DNAH8: variants seen among roughly 807,000 people sequenced by gnomAD.
DNAH8 encodes dynein axonemal heavy chain 8.
A neutral mutation model predicts 562.1 loss-of-function variants in DNAH8; 382 were observed. The ratio of observed to expected loss-of-function variants is 0.68; its 90% CI spans 0.63 to 0.74. The LOEUF (loss-of-function observed/expected upper bound fraction) is 0.74, where lower values mean the gene tolerates loss of function less well. DNAH8 is among the 30% of genes least tolerant of loss of function. DNAH8 has a pLI of 0.00. For synonymous variants in DNAH8, 1,881 were observed against 1,919.4 expected, an observed-to-expected ratio of 0.98 and a Z score of 0.52; for missense variants, 5,203 against 5,620.4, an observed-to-expected ratio of 0.93 and a Z score of 2.37.
At chr6:38,873,475 T>C in intron 52 of DNAH8, 99 bp downstream of exon 52, 1 of 1,071,050 alleles carries the variant, frequency 9.3e-7, no homozygotes, top group South Asian at 1.9e-5. Context: ...AGACAGTCCA[T>C]AAAAATCATT....
At chr6:38,818,794 G>C (rs1490033407) in intron 26 of DNAH8, among the ~76,000 whole-genome samples, 1 of 152,184 alleles carries the variant, frequency 6.6e-6, no homozygotes, top group Non-Finnish European at 1.5e-5. Flanking sequence ...ATTCTTGTCT[G>C]GACTTTCTTA....
At chr6:38,862,162 T>A in intron 43 of DNAH8, 118 bp from the exon 44 acceptor site, 1 of 798,588 alleles carries the variant, frequency 1.3e-6, no homozygotes, top group Non-Finnish European at 2.0e-6. Context: ...TTCTTTTATG[T>A]GGGCTACTCA....
chr6:38,957,898 A>G (rs1380678703), intron 82 of DNAH8, among the ~76,000 whole-genome samples: 1 of 151,758 alleles, frequency 6.6e-6, no homozygotes, highest in African/African-American at 2.4e-5. Flanking sequence ...CAAGATCACA[A>G]ATAACCTAAT....
chr6:38,756,280 A>T lies in DNAH8; in HGVS notation c.1515+201A>T, dbSNP rs56234410. 0.025 allele frequency among the ~76,000 whole-genome samples: 3,855 copies of T among 152,168 alleles called. 181 individuals are homozygous for T. Among genetic ancestry groups the T allele is most frequent in the African/African-American group, 0.084 (3,489 of 41,496 alleles). On this transcript the variant is annotated intron_variant, in intron 10 of 92. Transcript: ENST00000327475. ...TAATTGGTACTTTTCTGTTTATCAG[A>T]TGTAAGCCCCAATACTTAAAGAAAA... is the stretch of plus-strand genomic sequence containing the variant.
At chr6:38,945,669 C>T in intron 80 of DNAH8, 81 bp downstream of exon 80, 1 of 1,571,532 alleles carries the variant, frequency 6.4e-7, no homozygotes, top group South Asian at 1.1e-5. Context: ...GGCTTCCTGG[C>T]AGCAATTCCT....
intron 62 of DNAH8, among the ~76,000 whole-genome samples, chr6:38,902,917 G>T (rs1350186704): frequency 6.6e-6 from 1 of 152,192 alleles, no homozygotes; most frequent in Non-Finnish European, 1.5e-5. Context: ...ATATATGATG[G>T]TGGTCACATG....
At chr6:38,820,640 A>G (rs541136332) in intron 26 of DNAH8, among the ~76,000 whole-genome samples, 1 of 152,314 alleles carries the variant, frequency 6.6e-6, no homozygotes, top group Middle Eastern at 3.4e-3. Flanking sequence ...ATGTTAGCAA[A>G]CTGAATCCAG....
At chr6:38,715,965 T>A (rs1170627039) in intron 1 of DNAH8, among the ~76,000 whole-genome samples, 47 of 96,764 alleles carry the variant, frequency 4.9e-4, no homozygotes, top group Admixed American at 8.1e-4. Flanking sequence ...TATATATTTT[T>A]TTTTTTTTTT....
chr6:38,832,664 A>G (rs186042425), intron 31 of DNAH8, among the ~76,000 whole-genome samples: 19 of 152,342 alleles, frequency 1.2e-4, no homozygotes, highest in African/African-American at 4.6e-4. Flanking sequence ...CACACATAAA[A>G]TACGCTAACA....
intron 29 of DNAH8, 92 bp downstream of exon 29, chr6:38,826,483 C>A: frequency 1.2e-6 from 1 of 807,508 alleles, no homozygotes. Context: ...TTAACATATT[C>A]ATCTATTATG....
In DNAH8 at chr6:38,779,955, A is replaced by G. The variant is rs1768417879; in HGVS notation, c.2040-11A>G. 1.2e-6 allele frequency: 2 copies of G among 1,610,168 alleles called. No individual in the cohort carries two copies. The highest frequency in any genetic ancestry group is 1.7e-6 in the Non-Finnish European group (2 of 1,176,780). On this transcript the variant is annotated splice_polypyrimidine_tract_variant and intron_variant, in intron 14 of 92. Transcript: ENST00000327475. ...TTTACTTTTTAACCATTCAGCTTTGATTACTTTTAGGTTTCAGAAGCTGAA... is the reference window on the plus strand; with the variant it reads ...TTTACTTTTTAACCATTCAGCTTTGGTTACTTTTAGGTTTCAGAAGCTGAA...
chr6:38,743,192 A>AT (rs1395890848), intron 8 of DNAH8, among the ~76,000 whole-genome samples: 1 of 151,268 alleles, frequency 6.6e-6, no homozygotes, highest in African/African-American at 2.4e-5. Flanking sequence ...TAATTAAATA[A>AT]TTTTTTAAAA....
In DNAH8 at chr6:38,951,615, G is replaced by C. The variant is rs1317117008; in HGVS notation, c.12451+95G>C. On this transcript the variant is annotated intron_variant, in intron 82 of 92. Coordinates refer to ENST00000327475, the MANE Select transcript of DNAH8 (RefSeq NM_001206927.2). ...ATTTTATAACTGATTCTTAGAAATA[G>C]ATGTAAAACTGAATTCGAAAAATAT... is the stretch of plus-strand genomic sequence containing the variant. The C allele has an allele frequency of 2.7e-6, 3 of 1,092,890 alleles. No homozygotes were observed. The African/African-American group carries it at 4.8e-5, about 17-fold the overall frequency. The allele number at this position is 1,092,890 out of a possible 1,614,324, so 67.7% of individuals were successfully genotyped here.
intron 8 of DNAH8, among the ~76,000 whole-genome samples, chr6:38,746,331 C>T (rs902476205): frequency 1.3e-5 from 2 of 152,048 alleles, no homozygotes; most frequent in African/African-American, 4.8e-5. Flanking sequence ...CTTCTGATTC[C>T]CTTACTCTGT....
rs774924483 is a variant in DNAH8 at position 38,722,815 on chromosome 6, G to A, written c.6G>A (p.Glu2=). Residue 2 remains glutamate, a synonymous_variant, in exon 2 of 93, where the codon GAG becomes GAA. Transcript: ENST00000327475. Reference sequence around the variant, plus strand: ...AGCATTCCGCACGACGGGGGATGGAGAAGGATGCTGAAGATGGCGCCCCTT... The same window carrying A: ...AGCATTCCGCACGACGGGGGATGGAAAAGGATGCTGAAGATGGCGCCCCTT... The part of the protein sequence containing the change: M[E]KDAEDGAPSE... 2.1e-5 allele frequency: 33 copies of A among 1,584,330 alleles called. 1 individual carries two copies. In the East Asian group the frequency reaches 4.7e-4, roughly 23 times the overall value.
intron 21 of DNAH8, among the ~76,000 whole-genome samples, chr6:38,793,372 A>G (rs1441790874): frequency 6.6e-6 from 1 of 151,124 alleles, no homozygotes; most frequent in Non-Finnish European, 1.5e-5. Context: ...AGATGATTAT[A>G]TCTTCTGGAT....
At chr6:38,898,921 A>G (rs1779886484) in intron 61 of DNAH8, among the ~76,000 whole-genome samples, 1 of 152,156 alleles carries the variant, frequency 6.6e-6, no homozygotes, top group Non-Finnish European at 1.5e-5. Context: ...CACCGTGGCT[A>G]GATCTTGAGG....
At chr6:38,854,073 G>A (rs1009169292) in intron 41 of DNAH8, among the ~76,000 whole-genome samples, 10 of 151,978 alleles carry the variant, frequency 6.6e-5, no homozygotes, top group African/African-American at 2.2e-4. Flanking sequence ...CCAATTCATA[G>A]ATATGATGTG....
At chr6:38,942,464 T>G (rs1293298064) in intron 79 of DNAH8, among the ~76,000 whole-genome samples, 1 of 151,978 alleles carries the variant, frequency 6.6e-6, no homozygotes, top group African/African-American at 2.4e-5. Context: ...CTGAGGGAGC[T>G]GAGAAGGGGA....
Sources: allele counts gnomAD v4.1 joint callset (sites outside exome capture counted in the v4.1 genomes callset), GRCh38; gene constraint gnomAD v4.1.1; transcripts MANE v1.5; gene names NCBI Gene and HGNC (gene_info 2026-07-23, HGNC 2026-07-21).